The following ZNF442 variants were observed in gnomAD, a reference collection of about 807,000 sequenced individuals.
ZNF442 encodes the protein zinc finger protein 442.
A neutral mutation model predicts 57.0 loss-of-function variants in ZNF442; 45 were observed. The ratio of observed to expected loss-of-function variants is 0.79; its 90% CI spans 0.62 to 1.01. The LOEUF is 1.01. ZNF442 is among the 50% of genes least tolerant of loss of function. The pLI, the probability that ZNF442 is intolerant of heterozygous loss-of-function variation, is 0.00. For missense variants in ZNF442, 690 were observed against 756.5 expected (o/e 0.91, Z 1.03); for synonymous variants, 213 against 241.8 (o/e 0.88, Z 1.10).
chr19:12,362,560 C>A (rs1599594130), intron 3 of ZNF442, among the ~76,000 whole-genome samples: 1 of 151,286 alleles, frequency 6.6e-6, no homozygotes, highest in African/African-American at 2.4e-5. Flanking sequence ...ACAGCTCCCG[C>A]CCGGCCAGCC....
At chr19:12,364,037 GT>G (rs200784506) in intron 2 of ZNF442, among the ~76,000 whole-genome samples, 1,560 of 152,160 alleles carry the variant, frequency 0.01, 36 homozygotes, top group African/African-American at 0.035. Flanking sequence ...TTTTTTGTTT[GT>G]TTTTTTGTTT....
rs780905733 is a variant in ZNF442 at position 12,363,648 on chromosome 19, C to T, written c.-17G>A. ...TACAATCATTCAACTGGCTGACCAGCCGTGTGTCCCCAAGGAATGGAAACT... is the reference window on the plus strand; with the variant it reads ...TACAATCATTCAACTGGCTGACCAGTCGTGTGTCCCCAAGGAATGGAAACT... On this transcript the variant is annotated 5_prime_UTR_variant, in exon 3 of 6. Coordinates refer to ENST00000242804, the MANE Select transcript of ZNF442 (RefSeq NM_030824.3). 5 of 1,612,178 alleles carry T rather than the reference C, an allele frequency of 3.1e-6. No homozygotes were observed. The Admixed American group carries it at 5.0e-5, about 16-fold the overall frequency.
chr19:12,351,045 G>C lies in ZNF442; in HGVS notation c.540C>G (p.Arg180=), dbSNP rs61737005. ...TQERPHTGKK[R]YDCKECGKTF... is the part of the protein sequence containing the mutation. Reference sequence around the variant, plus strand: ...TTTTCCCACATTCCTTACAATCATAGCGTTTCTTTCCAGTGTGAGGTCTTT... The same window carrying C: ...TTTTCCCACATTCCTTACAATCATACCGTTTCTTTCCAGTGTGAGGTCTTT... Residue 180 remains arginine (R), a synonymous_variant, in exon 6 of 6, where the codon CGC becomes CGG. Coordinates refer to ENST00000242804, the MANE Select transcript of ZNF442 (RefSeq NM_030824.3). 5.3e-3 allele frequency: 8,500 copies of C among 1,614,072 alleles called. 410 individuals carry two copies. The African/African-American group carries it at 0.1, about 20-fold the overall frequency.
intron 3 of ZNF442, among the ~76,000 whole-genome samples, chr19:12,359,697 C>T (rs1023304620): frequency 1.3e-5 from 2 of 152,168 alleles, no homozygotes; most frequent in East Asian, 1.9e-4. Flanking sequence ...ATCTGATTCT[C>T]GGCCCGGCGT....
intron 2 of ZNF442, among the ~76,000 whole-genome samples, chr19:12,364,251 C>T (rs1299227767): frequency 6.6e-6 from 1 of 151,590 alleles, no homozygotes; most frequent in Admixed American, 6.6e-5. Flanking sequence ...ACTAAAAATA[C>T]AAAAAATTAG....
chr19:12,362,434 C>G (rs145750151), intron 3 of ZNF442, among the ~76,000 whole-genome samples: 2 of 150,184 alleles, frequency 1.3e-5, no homozygotes, highest in Non-Finnish European at 3.0e-5. Context: ...AGGTAAGGAG[C>G]GTCTCTGCCC....
chr19:12,373,715 T>C, the ZNF442 span: 1 of 263,458 alleles, frequency 3.8e-6, no homozygotes, highest in Non-Finnish European at 7.9e-6. Flanking sequence ...GATGTAGGTT[T>C]CATTAAGTTG....
At chr19:12,373,140 A>G in the ZNF442 span, among the ~76,000 whole-genome samples, 2 of 152,350 alleles carry the variant, frequency 1.3e-5, no homozygotes, top group South Asian at 2.1e-4. Context: ...GGAATCGTCA[A>G]TCTACCAAAG....
intron 3 of ZNF442, among the ~76,000 whole-genome samples, chr19:12,362,261 G>A (rs868457248): frequency 9.3e-5 from 14 of 151,334 alleles, no homozygotes; most frequent in African/African-American, 1.7e-4. Context: ...CCGTCATCCC[G>A]TCTAGGAAGT....
Position 12,351,337 on chromosome 19 carries a change from A to G in ZNF442, c.267-19T>C. 1 of 1,584,546 alleles carries G rather than the reference A, an allele frequency of 6.3e-7. No individual in the cohort carries two copies. ...ATGACATCTGTAAAACATGAGAAGTATATTAATAAAGGTTTATTTATAAAT... is the reference window on the plus strand; with the variant it reads ...ATGACATCTGTAAAACATGAGAAGTGTATTAATAAAGGTTTATTTATAAAT... On this transcript the variant is annotated intron_variant, in intron 5 of 5. Transcript: ENST00000242804.
intron 3 of ZNF442, among the ~76,000 whole-genome samples, chr19:12,361,605 C>G (rs937377033): frequency 4.6e-5 from 7 of 151,720 alleles, no homozygotes; most frequent in African/African-American, 1.7e-4. Context: ...GAGAAACTTA[C>G]TTGACAGACT....
In ZNF442 at chr19:12,350,533, C is replaced by T. The variant is rs1306721699; in HGVS notation, c.1052G>A (p.Cys351Tyr). ...ATCAAAGCCTTTCCCACATATCTTACATTTATGAGGTCCATCTCCAGTGTG... is the reference window on the plus strand; with the variant it reads ...ATCAAAGCCTTTCCCACATATCTTATATTTATGAGGTCCATCTCCAGTGTG... Reference protein sequence around the residue: ...IRHTGDGPHKCKICGKGFDCP... With the variant: ...IRHTGDGPHKYKICGKGFDCP... The change falls in exon 6 of 6, where the codon TGT becomes TAT. Residue 351 changes from cysteine to tyrosine, a missense_variant. By Grantham distance (194) the Cys-to-Tyr change is radical. Coordinates refer to ENST00000242804, the MANE Select transcript of ZNF442 (RefSeq NM_030824.3). 3.1e-6 allele frequency: 5 copies of T among 1,614,014 alleles called. No homozygotes were observed. The highest frequency in any genetic ancestry group is 4.2e-6 in the Non-Finnish European group (5 of 1,179,980).
At chr19:12,358,605 T>C (rs1043933920) in intron 3 of ZNF442, among the ~76,000 whole-genome samples, 2 of 152,126 alleles carry the variant, frequency 1.3e-5, no homozygotes, top group Non-Finnish European at 2.9e-5. Context: ...ATGGTAACAT[T>C]AACTAACTGA....
At chr19:12,372,826 T>G in the ZNF442 span, among the ~76,000 whole-genome samples, 1 of 152,194 alleles carries the variant, frequency 6.6e-6, no homozygotes, top group African/African-American at 2.4e-5. Context: ...CAGGATAGAG[T>G]GCAGTGGCAC....
rs1342196437 is a variant in ZNF442, at chr19:12,365,070, C to G, written c.-309G>C. ...TCACTTCCCCACCAACCAGCGACCC[C>G]ACACTTCAGCCGCCCCTGTCCAGAC... On this transcript the variant is annotated 5_prime_UTR_variant, in exon 2 of 6. Coordinates refer to ENST00000242804, the MANE Select transcript of ZNF442 (RefSeq NM_030824.3). 1 of 152,926 alleles carries G rather than the reference C, an allele frequency of 6.5e-6. No homozygotes were observed. The highest frequency in any genetic ancestry group is 1.5e-5 in the Non-Finnish European group (1 of 68,626). 9.5% of individuals were successfully genotyped at this position (152,926 alleles called of 1,614,324 possible).
At chr19:12,359,651 A>G (rs1165098266) in intron 3 of ZNF442, among the ~76,000 whole-genome samples, 1 of 152,254 alleles carries the variant, frequency 6.6e-6, no homozygotes, top group South Asian at 2.1e-4. Flanking sequence ...TCTTAAGAAC[A>G]GACTTAGGTT....
upstream of ZNF442, among the ~76,000 whole-genome samples, chr19:12,368,273 A>T (rs1245838014): frequency 6.6e-6 from 1 of 152,202 alleles, no homozygotes; most frequent in African/African-American, 2.4e-5. Flanking sequence ...AGATAACAGG[A>T]TTAAGAGATT....
At chr19:12,354,951 G>A (rs905064387) in intron 3 of ZNF442, among the ~76,000 whole-genome samples, 2 of 152,032 alleles carry the variant, frequency 1.3e-5, no homozygotes, top group African/African-American at 4.8e-5. Context: ...AAAGTTATAT[G>A]AATATGTACA....
At position 12,350,423 on chromosome 19, in the gene ZNF442, G is replaced by A. The variant is rs759095363; in HGVS notation, c.1162C>T (p.His388Tyr). Residue 388 changes from histidine (H) to tyrosine (Y), a missense_variant, in exon 6 of 6, where the codon CAT becomes TAT. By Grantham distance (83) the His-to-Tyr change is moderately conservative (BLOSUM62 2). Coordinates refer to ENST00000242804, the MANE Select transcript of ZNF442 (RefSeq NM_030824.3). Reference protein sequence around the residue: ...ECKQCGKALSHHSSFRSHMIM... With the variant: ...ECKQCGKALSYHSSFRSHMIM... ...ATATGACTTCGAAAGCTTGAGTGAT[G>A]AGATAACGCTTTCCCACACTGCTTG... 4 of 1,613,028 alleles carry A rather than the reference G, an allele frequency of 2.5e-6. No homozygotes were observed. The highest frequency in any genetic ancestry group is 3.4e-6 in the Non-Finnish European group (4 of 1,179,812).
Sources: gnomAD v4.1 joint callset for allele counts (sites outside exome capture counted in the v4.1 genomes callset) on GRCh38, gnomAD v4.1.1 for gene constraint, MANE v1.5 for transcripts, NCBI Gene and HGNC (gene_info 2026-07-23, HGNC 2026-07-21) for gene names.